SLC24A3: variants seen among roughly 807,000 people sequenced by gnomAD.
SLC24A3 encodes the protein sodium/potassium/calcium exchanger 3.
A neutral mutation model predicts 75.8 loss-of-function variants in SLC24A3; 28 were observed. The observed-to-expected ratio is 0.37, with a 90% CI of 0.27 to 0.51. The LOEUF is 0.51. SLC24A3 is among the 20% of genes least tolerant of loss of function. SLC24A3 has a pLI of 0.94. For missense variants in SLC24A3, 663 were observed against 847.8 expected (o/e 0.78, Z 2.71); for synonymous variants, 372 against 334.1 (o/e 1.11, Z -1.24).
chr20:19,628,096 C>T (rs766477208), intron 6 of SLC24A3, among the ~76,000 whole-genome samples: 14 of 147,628 alleles, frequency 9.5e-5, no homozygotes, highest in African/African-American at 1.3e-4. Flanking sequence ...CCCAGCTACT[C>T]GGGAGACTGA....
chr20:19,438,704 T>C (rs1478594027), intron 2 of SLC24A3, among the ~76,000 whole-genome samples: 2 of 152,182 alleles, frequency 1.3e-5, no homozygotes, highest in Non-Finnish European at 2.9e-5. Context: ...GGGTAGGTAG[T>C]GTGGACAGCA....
At chr20:19,366,477 T>A (rs1011139095) in intron 2 of SLC24A3, among the ~76,000 whole-genome samples, 6 of 152,168 alleles carry the variant, frequency 3.9e-5, no homozygotes, top group Non-Finnish European at 7.3e-5. Context: ...TTGAGCACAT[T>A]TGTTAGTTCT....
chr20:19,402,915 C>T (rs1986578405), intron 2 of SLC24A3, among the ~76,000 whole-genome samples: 1 of 152,216 alleles, frequency 6.6e-6, no homozygotes, highest in African/African-American at 2.4e-5. Flanking sequence ...CCACTGGCCA[C>T]ACATGGCTCT....
intron 13 of SLC24A3, chr20:19,693,718 C>T: frequency 3.4e-6 from 1 of 295,422 alleles, no homozygotes; most frequent in Admixed American, 4.6e-5. Context: ...TCCATGTCTA[C>T]TCCACGTGTC....
At chr20:19,413,218 T>C (rs1986774968) in intron 2 of SLC24A3, among the ~76,000 whole-genome samples, 1 of 152,144 alleles carries the variant, frequency 6.6e-6, no homozygotes, top group South Asian at 2.1e-4. Flanking sequence ...TTTTCATAAG[T>C]CAGACCATTT....
At chr20:19,263,434 TAA>T (rs1183672325) in intron 1 of SLC24A3, among the ~76,000 whole-genome samples, 1 of 151,882 alleles carries the variant, frequency 6.6e-6, no homozygotes, top group East Asian at 1.9e-4. Context: ...GTCTGAAAAA[TAA>T]AAAAAGCCTG....
In SLC24A3 at chr20:19,444,650, T is replaced by C. The variant is rs550164619; in HGVS notation, c.272-70838T>C. Among the ~76,000 whole-genome samples the C allele has an allele frequency of 5.3e-5, 8 of 152,288 alleles. No individual in the cohort carries two copies. In the East Asian group the frequency reaches 1.5e-3, roughly 29 times the overall value. On this transcript the variant is annotated intron_variant, in intron 2 of 16. Transcript: ENST00000328041. The stretch of plus-strand genomic sequence containing the variant: ...TCCTTTATTAACCTTTCAATGTCAA[T>C]GCAATAAGTAGTGATGGTCCCACTT...
chr20:19,258,337 C>A (rs574197517), intron 1 of SLC24A3, among the ~76,000 whole-genome samples: 1 of 152,310 alleles, frequency 6.6e-6, no homozygotes, highest in Non-Finnish European at 1.5e-5. Context: ...TTCCAGAAAA[C>A]TGGGCAAAAG....
At chr20:19,389,031 G>A (rs1986323198) in intron 2 of SLC24A3, among the ~76,000 whole-genome samples, 1 of 151,748 alleles carries the variant, frequency 6.6e-6, no homozygotes, top group South Asian at 2.1e-4. Flanking sequence ...TTACCATGAA[G>A]CTTACATAAA....
At chr20:19,693,580 C>A in intron 13 of SLC24A3, 155 bp downstream of exon 13, 1 of 908,612 alleles carries the variant, frequency 1.1e-6, no homozygotes, top group Non-Finnish European at 1.6e-6. Context: ...TTTAGAATTG[C>A]AGGCATCGAT....
At chr20:19,264,947 T>G (rs1325211465) in intron 1 of SLC24A3, among the ~76,000 whole-genome samples, 1 of 152,178 alleles carries the variant, frequency 6.6e-6, no homozygotes, top group Admixed American at 6.5e-5. Context: ...ATATATGCTT[T>G]TCCCCTTTAT....
At chr20:19,569,127 C>T (rs2031008598) in intron 3 of SLC24A3, among the ~76,000 whole-genome samples, 1 of 152,178 alleles carries the variant, frequency 6.6e-6, no homozygotes, top group Non-Finnish European at 1.5e-5. Context: ...GCGTAATGGG[C>T]CTGCCCTTCC....
At chr20:19,308,476 C>T (rs1984381193) in intron 2 of SLC24A3, among the ~76,000 whole-genome samples, 2 of 152,168 alleles carry the variant, frequency 1.3e-5, no homozygotes, top group Non-Finnish European at 2.9e-5. Context: ...GTCCTCAGGC[C>T]ACCAGCTGAG....
At chr20:19,365,776 C>G (rs1351680499) in intron 2 of SLC24A3, among the ~76,000 whole-genome samples, 16 of 152,158 alleles carry the variant, frequency 1.1e-4, no homozygotes, top group Non-Finnish European at 2.9e-5. Context: ...ATCTCTGAGG[C>G]TCCATCATTA....
At chr20:19,309,732 G>C (rs1984411590) in intron 2 of SLC24A3, among the ~76,000 whole-genome samples, 1 of 152,226 alleles carries the variant, frequency 6.6e-6, no homozygotes, top group African/African-American at 2.4e-5. Context: ...CTTTTTGCAA[G>C]CTTCTTCTCT....
intron 2 of SLC24A3, among the ~76,000 whole-genome samples, chr20:19,459,368 G>A (rs185397089): frequency 1.2e-4 from 18 of 152,170 alleles, no homozygotes; most frequent in Middle Eastern, 3.4e-3. Flanking sequence ...AGATAAAACC[G>A]TCCAGTATAT....
At chr20:19,511,317 G>A (rs1443823284) in intron 2 of SLC24A3, among the ~76,000 whole-genome samples, 1 of 150,310 alleles carries the variant, frequency 6.7e-6, no homozygotes, top group African/African-American at 2.5e-5. Flanking sequence ...AGGAGAAGAG[G>A]GCTTAGCTCA....
intron 7 of SLC24A3, among the ~76,000 whole-genome samples, chr20:19,658,630 T>A (rs1271013659): frequency 1.3e-5 from 2 of 152,194 alleles, no homozygotes; most frequent in Non-Finnish European, 2.9e-5. Flanking sequence ...TTAGCCCTGG[T>A]GACATTCCGT....
chr20:19,214,495 T>C (rs1447157216), intron 1 of SLC24A3, among the ~76,000 whole-genome samples: 2 of 152,234 alleles, frequency 1.3e-5, no homozygotes, highest in Non-Finnish European at 2.9e-5. Context: ...GAAAGGGCTA[T>C]TCCTAGTGGA....
Sources: allele counts gnomAD v4.1 joint callset (sites outside exome capture counted in the v4.1 genomes callset), GRCh38; gene constraint gnomAD v4.1.1; transcripts MANE v1.5; gene names NCBI Gene and HGNC (gene_info 2026-07-23, HGNC 2026-07-21).